Variants in LRP1B observed in about 807,000 individuals in gnomAD.
The protein encoded by LRP1B is LDL receptor related protein 1B.
A neutral mutation model predicts 556.6 loss-of-function variants in LRP1B; 217 were observed. The observed-to-expected ratio is 0.39, with a 90% CI of 0.35 to 0.44. The LOEUF is 0.44. LRP1B is among the 20% of genes least tolerant of loss of function. The pLI is 1.00. For synonymous variants in LRP1B, 2,047 were observed against 1,865.8 expected (o/e 1.10, Z -2.50); for missense variants, 5,053 against 5,620.8 (o/e 0.90, Z 3.23).
intron 31 of LRP1B, among the ~76,000 whole-genome samples, chr2:140,836,813 G>C (rs558189828): frequency 1.6e-4 from 24 of 152,246 alleles, no homozygotes; most frequent in African/African-American, 5.8e-4. Context: ...TACGCATTGG[G>C]GAGACTATCA....
chr2:141,010,013 A>G (rs760670558), intron 14 of LRP1B, among the ~76,000 whole-genome samples: 21 of 152,046 alleles, frequency 1.4e-4, no homozygotes, highest in Non-Finnish European at 2.8e-4. Context: ...ATATAAATCA[A>G]TAGTACCTAT....
At chr2:142,000,794 C>A (rs760457090) in intron 1 of LRP1B, among the ~76,000 whole-genome samples, 16 of 152,132 alleles carry the variant, frequency 1.1e-4, no homozygotes, top group Admixed American at 5.2e-4. Context: ...AAAACTAAGG[C>A]AGAAAAAGTG....
At chr2:141,612,924 T>A (rs1022040640) in intron 2 of LRP1B, among the ~76,000 whole-genome samples, 12 of 151,846 alleles carry the variant, frequency 7.9e-5, no homozygotes, top group African/African-American at 2.9e-4. Flanking sequence ...CGCCTCAGCC[T>A]CCCGAGTAGC....
chr2:140,642,643 C>A (rs1173561220), intron 41 of LRP1B, among the ~76,000 whole-genome samples: 1 of 152,042 alleles, frequency 6.6e-6, no homozygotes, highest in African/African-American at 2.4e-5. Flanking sequence ...AGATCGAGAC[C>A]ATCCTGGCTA....
At chr2:140,277,920 CAT>C (rs1294826544) in intron 84 of LRP1B, among the ~76,000 whole-genome samples, 3 of 151,960 alleles carry the variant, frequency 2.0e-5, no homozygotes, top group African/African-American at 7.2e-5. Context: ...TGTCAAGAAA[CAT>C]ACACATAATA....
chr2:140,302,007 T>C (rs574642492), intron 83 of LRP1B, among the ~76,000 whole-genome samples: 56 of 152,164 alleles, frequency 3.7e-4, no homozygotes, highest in African/African-American at 1.3e-3. Context: ...TCAACCATTA[T>C]CTTCTTCAAA....
rs1698738833 is a variant in LRP1B at position 141,042,722 on chromosome 2, C to G, written c.1789+6264G>C. Among the ~76,000 whole-genome samples the G allele has an allele frequency of 5.3e-5, 8 of 152,104 alleles. No homozygotes were observed. In the South Asian group the frequency reaches 1.7e-3, roughly 32 times the overall value. On this transcript the variant is annotated intron_variant, in intron 11 of 90. Coordinates refer to ENST00000389484, the MANE Select transcript of LRP1B (RefSeq NM_018557.3). ...GGACAATGAACATAACGTGAGCAAT[C>G]TTGATACAGAGTAAGTACTCATTAA...
intron 14 of LRP1B, among the ~76,000 whole-genome samples, chr2:141,009,119 A>G (rs1697665076): frequency 6.6e-6 from 1 of 151,838 alleles, no homozygotes; most frequent in South Asian, 2.1e-4. Flanking sequence ...TTGACTTCTC[A>G]GTGTCTTATC....
intron 19 of LRP1B, among the ~76,000 whole-genome samples, 154 bp from the exon 20 acceptor site, chr2:140,950,556 T>C (rs1179422942): frequency 6.6e-6 from 1 of 152,166 alleles, no homozygotes; most frequent in Non-Finnish European, 1.5e-5. Flanking sequence ...CTATCTCGGC[T>C]CACTGCAACT....
At chr2:141,950,124 T>A (rs1420293815) in intron 1 of LRP1B, among the ~76,000 whole-genome samples, 2 of 152,346 alleles carry the variant, frequency 1.3e-5, no homozygotes, top group East Asian at 3.9e-4. Flanking sequence ...TCCACTTTTA[T>A]AAAAGACTTT....
At chr2:141,386,438 A>G (rs1318380767) in intron 3 of LRP1B, among the ~76,000 whole-genome samples, 1 of 152,140 alleles carries the variant, frequency 6.6e-6, no homozygotes, top group African/African-American at 2.4e-5. Context: ...ATGCTTTTTA[A>G]AAAAGCATGA....
chr2:140,923,268 T>C (rs1260105461), intron 20 of LRP1B, 121 bp from the exon 21 acceptor site: 2 of 656,590 alleles, frequency 3.0e-6, no homozygotes, highest in East Asian at 2.8e-5. Flanking sequence ...ATTATAATGC[T>C]AGAGAGAATA....
At chr2:142,102,097 C>T (rs966048294) in intron 1 of LRP1B, among the ~76,000 whole-genome samples, 3 of 151,946 alleles carry the variant, frequency 2.0e-5, no homozygotes, top group South Asian at 4.1e-4. Context: ...AAACAAAAGA[C>T]GTAGACATTG....
chr2:141,127,251 G>C (rs1701239035), intron 7 of LRP1B, among the ~76,000 whole-genome samples: 1 of 152,198 alleles, frequency 6.6e-6, no homozygotes, highest in Admixed American at 6.6e-5. Context: ...AGATGCTGGA[G>C]AGGATGTGGA....
At chr2:140,590,243 T>C (rs1682161154) in intron 43 of LRP1B, among the ~76,000 whole-genome samples, 1 of 126,476 alleles carries the variant, frequency 7.9e-6, no homozygotes, top group South Asian at 2.3e-4. Flanking sequence ...AATGTGTATA[T>C]ATATATACAT....
intron 2 of LRP1B, among the ~76,000 whole-genome samples, chr2:141,611,998 A>G (rs952566754): frequency 6.6e-6 from 1 of 152,208 alleles, no homozygotes; most frequent in Non-Finnish European, 1.5e-5. Flanking sequence ...GTTACCCTGG[A>G]AAGTGGATGA....
chr2:141,024,253 G>C (rs1465506028), intron 11 of LRP1B, among the ~76,000 whole-genome samples: 3 of 151,972 alleles, frequency 2.0e-5, no homozygotes, highest in Non-Finnish European at 4.4e-5. Flanking sequence ...CTAATGGCCA[G>C]CTGAGGCTGA....
intron 2 of LRP1B, among the ~76,000 whole-genome samples, chr2:141,650,886 T>G (rs1689761755): frequency 6.6e-6 from 1 of 152,194 alleles, no homozygotes; most frequent in Non-Finnish European, 1.5e-5. Context: ...AAGAGACTAT[T>G]TCTTGATATG....
chr2:141,182,068 T>C (rs1010399940), intron 7 of LRP1B, among the ~76,000 whole-genome samples: 4 of 151,962 alleles, frequency 2.6e-5, no homozygotes, highest in Non-Finnish European at 5.9e-5. Context: ...GATTACTTTC[T>C]TGGGGCTCTT....
Sources: gnomAD v4.1 joint callset for allele counts (sites outside exome capture counted in the v4.1 genomes callset) on GRCh38, gnomAD v4.1.1 for gene constraint, MANE v1.5 for transcripts, NCBI Gene and HGNC (gene_info 2026-07-23, HGNC 2026-07-21) for gene names.